MCC: variants seen among roughly 807,000 people sequenced by gnomAD.
MCC encodes the protein MCC regulator of Wnt signaling pathway.
In MCC, 90 loss-of-function variants were observed where a neutral mutation model predicts 116.2. The ratio of observed to expected loss-of-function variants is 0.77; its 90% CI spans 0.65 to 0.92. MCC has a LOEUF of 0.92. MCC is among the 40% of genes least tolerant of loss of function. The pLI is 0.00. For missense variants in MCC, 1,516 were observed against 1,312.2 expected (o/e 1.16, Z -2.40); for synonymous variants, 578 against 510.5 (o/e 1.13, Z -1.78).
chr5:113,324,346 A>G (rs1767496002), intron 3 of MCC, among the ~76,000 whole-genome samples: 1 of 152,240 alleles, frequency 6.6e-6, no homozygotes, highest in Non-Finnish European at 1.5e-5. Flanking sequence ...ATTTTTAATT[A>G]TGCAGATAAT....
At chr5:113,280,702 A>T (rs1766010300) in intron 3 of MCC, among the ~76,000 whole-genome samples, 1 of 152,180 alleles carries the variant, frequency 6.6e-6, no homozygotes, top group Admixed American at 6.5e-5. Flanking sequence ...AGAGGGCAGG[A>T]GGGAGGAGGA....
chr5:113,303,963 C>G (rs1367008669), intron 3 of MCC, among the ~76,000 whole-genome samples: 1 of 152,172 alleles, frequency 6.6e-6, no homozygotes. Flanking sequence ...CTGGAGGTAA[C>G]TTTTGGGAAG....
At chr5:113,323,092 C>T (rs1767466939) in intron 3 of MCC, 2 of 152,350 alleles carry the variant, frequency 1.3e-5, no homozygotes, top group Non-Finnish European at 2.9e-5. Context: ...TCATGAGGAA[C>T]TAACCAAGCA....
intron 1 of MCC, among the ~76,000 whole-genome samples, chr5:113,390,115 CT>C (rs1463831008): frequency 6.6e-6 from 1 of 152,016 alleles, no homozygotes; most frequent in East Asian, 1.9e-4. Flanking sequence ...AAAAATAAAA[CT>C]TTTGTATATT....
At chr5:113,363,749 C>T (rs1466345822) in intron 2 of MCC, among the ~76,000 whole-genome samples, 1 of 152,188 alleles carries the variant, frequency 6.6e-6, no homozygotes, top group Non-Finnish European at 1.5e-5. Flanking sequence ...ATCATGCCTT[C>T]CCAATAGTCC....
At chr5:113,477,855 G>C (rs765707417) in intron 1 of MCC, among the ~76,000 whole-genome samples, 1 of 152,072 alleles carries the variant, frequency 6.6e-6, no homozygotes, top group South Asian at 2.1e-4. Flanking sequence ...ACAGAAACCA[G>C]TACCGAACAA....
chr5:113,291,521 C>A (rs536372691), intron 3 of MCC, among the ~76,000 whole-genome samples: 2 of 152,086 alleles, frequency 1.3e-5, no homozygotes, highest in African/African-American at 4.8e-5. Flanking sequence ...TTTATGATAC[C>A]CAGGATAATG....
intron 2 of MCC, 142 bp downstream of exon 2, chr5:113,384,826 C>G (rs767819402): frequency 3.5e-6 from 3 of 865,206 alleles, no homozygotes; most frequent in East Asian, 5.0e-5. Flanking sequence ...GTGAGCACTC[C>G]CCCAGGGAAA....
intron 3 of MCC, among the ~76,000 whole-genome samples, chr5:113,156,268 G>C (rs1331233209): frequency 1.3e-5 from 2 of 152,168 alleles, no homozygotes; most frequent in Non-Finnish European, 2.9e-5. Flanking sequence ...GATAAAGCTG[G>C]GTTCAAATCT....
At position 113,251,054 on chromosome 5, in the gene MCC, A is replaced by G. The variant is rs1764782389; in HGVS notation, c.627+89465T>C. On this transcript the variant is annotated intron_variant, in intron 3 of 18. Coordinates refer to ENST00000408903, the MANE Select transcript of MCC (RefSeq NM_001085377.2). ...GGGTTTCTTAAGGTCCTATTTTAAC[A>G]ATACAATCAAAAGTGTTCTATTTGG... Among the ~76,000 whole-genome samples, 5 of 152,224 alleles carry G rather than the reference A, an allele frequency of 3.3e-5. 1 individual carries two copies. The South Asian group carries it at 1.0e-3, about 32-fold the overall frequency.
chr5:113,104,524 A>G, intron 6 of MCC, 169 bp from the exon 7 acceptor site: 1 of 480,160 alleles, frequency 2.1e-6, no homozygotes, highest in Non-Finnish European at 3.6e-6. Context: ...CTTGGAGCCA[A>G]TGCAAAGCTC....
intron 1 of MCC, among the ~76,000 whole-genome samples, chr5:113,456,623 ATTTTTTTTTTTTT>A (rs34111159): frequency 0.038 from 1,952 of 51,150 alleles, 102 homozygotes; most frequent in African/African-American, 0.14. Flanking sequence ...TGCCCAGCTA[ATTTTTTTTTTTTT>A]TTTTTTTTTT....
rs768799103 is a variant in MCC, at chr5:113,434,805, T to C, written c.171-49593A>G. 11 of 1,612,446 alleles carry C rather than the reference T, an allele frequency of 6.8e-6. No individual in the cohort carries two copies. Among genetic ancestry groups the C allele is most frequent in the Non-Finnish European group, 9.3e-6 (11 of 1,178,780 alleles). Reference sequence around the variant, plus strand: ...CTCTCCTAAATTTATCCCCAGGAGGTAGCCTCGTCGCTTGAGGACAGCAGC... The same window carrying C: ...CTCTCCTAAATTTATCCCCAGGAGGCAGCCTCGTCGCTTGAGGACAGCAGC... On this transcript the variant is annotated intron_variant, in intron 1 of 18. Coordinates refer to ENST00000408903, the MANE Select transcript of MCC (RefSeq NM_001085377.2). This position sits in a 1 kb window ranked among gnomAD's most constrained non-coding sequence, Gnocchi z 4.2.
intron 1 of MCC, among the ~76,000 whole-genome samples, chr5:113,425,719 A>G (rs1770463209): frequency 6.6e-6 from 1 of 152,196 alleles, no homozygotes; most frequent in Admixed American, 6.5e-5. Flanking sequence ...AGAATCAGCT[A>G]AAAGCGTCAT....
At chr5:113,447,133 C>G (rs868805220) in intron 1 of MCC, among the ~76,000 whole-genome samples, 1 of 152,010 alleles carries the variant, frequency 6.6e-6, no homozygotes, top group African/African-American at 2.4e-5. Flanking sequence ...CTCTGGGCAC[C>G]TTTGTCTAAA....
In MCC at chr5:113,068,076, T is replaced by C; in HGVS notation, c.2029+4A>G. 3 of 1,613,120 alleles carry C rather than the reference T, an allele frequency of 1.9e-6. No individual in the cohort carries two copies. Among genetic ancestry groups the C allele is most frequent in the Non-Finnish European group, 1.7e-6 (2 of 1,179,116 alleles). On this transcript the variant is annotated splice_donor_region_variant and intron_variant, in intron 13 of 18. Transcript: ENST00000408903. ...GGAGGAAGAGGGACTCTGGAGACAC[T>C]TACCAGGGGAGGACCCCACGCCCGC...
chr5:113,434,975 C>T lies in MCC; in HGVS notation c.171-49763G>A. 9.1e-7 allele frequency: 1 copy of T among 1,093,538 alleles called. No homozygotes were observed. The highest frequency in any genetic ancestry group is 1.3e-6 in the Non-Finnish European group (1 of 772,078). The allele number at this position is 1,093,538 out of a possible 1,614,324, so 67.7% of individuals were successfully genotyped here. A position where few individuals can be genotyped will look rare whatever the true frequency, so the allele number is the denominator to read the frequency against. ...GCCTGCTGTTCCTGCCTCCTAGAGG[C>T]CAAGACTCTGGAGTGGAACATTTGG... On this transcript the variant is annotated intron_variant, in intron 1 of 18. Coordinates refer to ENST00000408903, the MANE Select transcript of MCC (RefSeq NM_001085377.2). This position sits in a 1 kb window ranked among gnomAD's most constrained non-coding sequence, Gnocchi z 4.2.
chr5:113,413,662 T>A (rs1267053558), intron 1 of MCC, among the ~76,000 whole-genome samples: 3 of 152,174 alleles, frequency 2.0e-5, no homozygotes, highest in African/African-American at 7.2e-5. Context: ...TCTTCTCTCT[T>A]TTCTTCTTTA....
At chr5:113,352,873 C>T (rs1225780789) in intron 2 of MCC, among the ~76,000 whole-genome samples, 1 of 152,128 alleles carries the variant, frequency 6.6e-6, no homozygotes, top group Non-Finnish European at 1.5e-5. Flanking sequence ...ACCCTCAACT[C>T]CTGCTTAATA....
Sources: gnomAD v4.1 joint callset for allele counts (sites outside exome capture counted in the v4.1 genomes callset) on GRCh38, gnomAD v4.1.1 for gene constraint, Gnocchi (gnomAD v3.1) non-coding constraint, MANE v1.5 for transcripts, NCBI Gene and HGNC (gene_info 2026-07-23, HGNC 2026-07-21) for gene names.